XKR6: variants seen among roughly 807,000 people sequenced by gnomAD.
XKR6 encodes XK-related protein 6.
In XKR6, 22 loss-of-function variants were observed where a neutral mutation model predicts 56.7. The observed-to-expected ratio is 0.39, with a 90% CI of 0.28 to 0.55. The LOEUF is 0.55. Among genes scored for constraint, XKR6 ranks in the 20% least tolerant of loss-of-function variants. The pLI is 0.66. For missense variants in XKR6, 852 were observed against 889.0 expected (o/e 0.96, Z 0.53); for synonymous variants, 524 against 387.8 (o/e 1.35, Z -4.13).
intron 1 of XKR6, among the ~76,000 whole-genome samples, chr8:10,926,336 A>T (rs1425499482): frequency 6.6e-6 from 1 of 152,186 alleles, no homozygotes; most frequent in Non-Finnish European, 1.5e-5. Context: ...CTAAGCCACA[A>T]GGGTGACCTC....
At chr8:11,111,096 T>C (rs974072323) in intron 1 of XKR6, among the ~76,000 whole-genome samples, 2 of 150,668 alleles carry the variant, frequency 1.3e-5, no homozygotes, top group African/African-American at 4.9e-5. Flanking sequence ...CCTCGTGATC[T>C]GCCCGCCTCG....
At chr8:11,010,032 G>C (rs1798464274) in intron 1 of XKR6, among the ~76,000 whole-genome samples, 1 of 152,226 alleles carries the variant, frequency 6.6e-6, no homozygotes, top group African/African-American at 2.4e-5. Flanking sequence ...ATAAAGAAGA[G>C]AGGTTTAATT....
intron 1 of XKR6, among the ~76,000 whole-genome samples, chr8:11,113,507 T>C (rs1320425586): frequency 6.6e-6 from 1 of 152,132 alleles, no homozygotes; most frequent in Non-Finnish European, 1.5e-5. Flanking sequence ...CAAAGGCACA[T>C]CATATTTTAA....
chr8:11,134,654 T>C (rs1177595458), intron 1 of XKR6, among the ~76,000 whole-genome samples: 1 of 152,050 alleles, frequency 6.6e-6, no homozygotes, highest in African/African-American at 2.4e-5. Context: ...AGTTGGAGTG[T>C]AAACTGGTAC....
chr8:10,999,532 T>C (rs1376749248), intron 1 of XKR6, among the ~76,000 whole-genome samples: 1 of 152,202 alleles, frequency 6.6e-6, no homozygotes, highest in Non-Finnish European at 1.5e-5. Context: ...AAGAAATAAA[T>C]CACTGATCAC....
chr8:10,913,574 CT>C, intron 2 of XKR6, among the ~76,000 whole-genome samples: 1 of 152,198 alleles, frequency 6.6e-6, no homozygotes, highest in East Asian at 1.9e-4. Context: ...CTTCTGCCTC[CT>C]AACACCCCTC....
At chr8:11,017,615 G>T (rs1798655978) in intron 1 of XKR6, among the ~76,000 whole-genome samples, 1 of 152,222 alleles carries the variant, frequency 6.6e-6, no homozygotes, top group African/African-American at 2.4e-5. Flanking sequence ...TGACATTATG[G>T]TGGGCATCAG....
intron 1 of XKR6, among the ~76,000 whole-genome samples, chr8:11,087,604 A>T (rs1166038826): frequency 5.3e-5 from 8 of 152,210 alleles, no homozygotes; most frequent in African/African-American, 1.9e-4. Context: ...GAACAATGAA[A>T]GCATCTTGCA....
chr8:11,156,358 A>G (rs1223424263), intron 1 of XKR6, among the ~76,000 whole-genome samples: 1 of 152,174 alleles, frequency 6.6e-6, no homozygotes, highest in Non-Finnish European at 1.5e-5. Flanking sequence ...ATCTCATCCA[A>G]TGTAAAACTA....
At chr8:11,133,310 G>C (rs1360579390) in intron 1 of XKR6, among the ~76,000 whole-genome samples, 1 of 152,136 alleles carries the variant, frequency 6.6e-6, no homozygotes, top group Non-Finnish European at 1.5e-5. Flanking sequence ...TCCTTTGTGA[G>C]AGGCAAGGTG....
chr8:11,189,371 T>C (rs2117120053), intron 1 of XKR6, among the ~76,000 whole-genome samples: 1 of 152,370 alleles, frequency 6.6e-6, no homozygotes, highest in East Asian at 1.9e-4. Context: ...GAATCCTCAA[T>C]TATATGTCAT....
At chr8:11,165,655 G>T (rs957591716) in intron 1 of XKR6, among the ~76,000 whole-genome samples, 10 of 152,072 alleles carry the variant, frequency 6.6e-5, no homozygotes, top group Non-Finnish European at 1.5e-4. Flanking sequence ...TTAACTCTTA[G>T]ACTGTACTCC....
intron 1 of XKR6, among the ~76,000 whole-genome samples, chr8:10,938,538 GA>G (rs1301402106): frequency 5.3e-5 from 8 of 152,218 alleles, no homozygotes; most frequent in Non-Finnish European, 1.2e-4. Flanking sequence ...ACAAACCACT[GA>G]CACACACAAC....
intron 1 of XKR6, chr8:11,194,992 T>C (rs1250339717): frequency 1.7e-6 from 1 of 577,388 alleles, no homozygotes; most frequent in East Asian, 2.9e-5. Context: ...GTTTTTAGGG[T>C]TACTGTTCAC....
At chr8:11,025,420 A>G (rs1237218348) in intron 1 of XKR6, among the ~76,000 whole-genome samples, 1 of 152,200 alleles carries the variant, frequency 6.6e-6, no homozygotes, top group African/African-American at 2.4e-5. Flanking sequence ...AATACCTGCT[A>G]AGGCCTGCTG....
intron 2 of XKR6, among the ~76,000 whole-genome samples, chr8:10,916,737 G>A (rs1452823325): frequency 2.6e-5 from 4 of 152,218 alleles, no homozygotes; most frequent in East Asian, 3.9e-4. Flanking sequence ...AGTGCTTGCC[G>A]GGTTGCAGCC....
In XKR6 at chr8:11,201,560, A is replaced by C. The variant is rs1804249454; in HGVS notation, c.-221T>G. The stretch of plus-strand genomic sequence containing the variant: ...AGCCCCCCAATCGCACGGCGCCCGC[A>C]GCTCCCCAGCCCTACCCTCCCGGCC... On this transcript the variant is annotated 5_prime_UTR_variant, in exon 1 of 3. Transcript: ENST00000416569. 6.6e-6 allele frequency among the ~76,000 whole-genome samples: 1 copy of C among 151,884 alleles called. No individual in the cohort carries two copies. The highest frequency in any genetic ancestry group is 2.1e-4 in the South Asian group (1 of 4,800).
chr8:11,123,026 C>A (rs545543015), intron 1 of XKR6, among the ~76,000 whole-genome samples: 1 of 152,016 alleles, frequency 6.6e-6, no homozygotes, highest in South Asian at 2.1e-4. Context: ...CACCTGAAAT[C>A]AGGAGTTCCA....
intron 1 of XKR6, among the ~76,000 whole-genome samples, chr8:10,984,732 C>CTCTCTCTCTCTCTCTA: frequency 8.4e-5 from 4 of 47,488 alleles, no homozygotes; most frequent in Non-Finnish European, 1.7e-4. Flanking sequence ...CTCTCTCTCT[C>CTCTCTCTCTCTCTCTA]TATATATATA....
Sources: gnomAD v4.1 joint callset for allele counts (sites outside exome capture counted in the v4.1 genomes callset) on GRCh38, gnomAD v4.1.1 for gene constraint, MANE v1.5 for transcripts, NCBI Gene and HGNC (gene_info 2026-07-23, HGNC 2026-07-21) for gene names.